TAFA5: variants seen among roughly 807,000 people sequenced by gnomAD.
TAFA5 encodes the protein TAFA chemokine like family member 5.
Under a neutral mutation model 15.3 loss-of-function variants are expected in TAFA5, and 6 were observed. That is an observed-to-expected ratio of 0.39 (90% confidence interval 0.21 to 0.77). The LOEUF (loss-of-function observed/expected upper bound fraction) is 0.77. TAFA5 is among the 30% of genes least tolerant of loss of function. TAFA5 has a pLI of 0.41. For missense variants in TAFA5, 161 were observed against 193.1 expected, an observed-to-expected ratio of 0.83 and a Z score of 0.98; for synonymous variants, 103 against 80.7, an observed-to-expected ratio of 1.28 and a Z score of -1.48.
chr22:48,725,724 GAA>G (rs11379698), intron 3 of TAFA5, among the ~76,000 whole-genome samples: 4,780 of 114,896 alleles, frequency 0.042, 291 homozygotes, highest in African/African-American at 0.15. Flanking sequence ...ATAATTCACA[GAA>G]AAAAAAAAAA....
At chr22:48,713,525 G>T (rs552511440) in intron 3 of TAFA5, among the ~76,000 whole-genome samples, 1 of 152,254 alleles carries the variant, frequency 6.6e-6, no homozygotes, top group Non-Finnish European at 1.5e-5. Context: ...GCCTGCCGGC[G>T]AGTTCTGGAG....
At chr22:48,521,820 C>T (rs1921610802) in intron 1 of TAFA5, among the ~76,000 whole-genome samples, 1 of 152,304 alleles carries the variant, frequency 6.6e-6, no homozygotes, top group South Asian at 2.1e-4. Flanking sequence ...CTTAGCAGGG[C>T]TCTCTGCGTT....
intron 2 of TAFA5, among the ~76,000 whole-genome samples, chr22:48,673,641 G>A (rs765933402): frequency 3.5e-4 from 53 of 152,164 alleles, no homozygotes; most frequent in Admixed American, 7.9e-4. Flanking sequence ...CTGTGTGTAG[G>A]GCTTGGATGT....
chr22:48,681,660 A>C (rs1569077074), intron 2 of TAFA5, among the ~76,000 whole-genome samples: 2 of 151,828 alleles, frequency 1.3e-5, no homozygotes, highest in Non-Finnish European at 2.9e-5. Context: ...CCAAAAAAAA[A>C]AAAAAAGAAA....
intron 2 of TAFA5, among the ~76,000 whole-genome samples, chr22:48,698,734 G>T (rs1256559801): frequency 6.6e-6 from 1 of 150,942 alleles, no homozygotes; most frequent in Admixed American, 6.6e-5. Context: ...CCTACAGCGG[G>T]TGCCTCCTGG....
chr22:48,744,863 G>A (rs928159708), intron 3 of TAFA5, among the ~76,000 whole-genome samples: 5 of 152,056 alleles, frequency 3.3e-5, no homozygotes, highest in South Asian at 2.1e-4. Flanking sequence ...AGGTTCAAGC[G>A]ATTCTCCTGC....
At chr22:48,536,672 G>A (rs1041403354) in intron 1 of TAFA5, among the ~76,000 whole-genome samples, 2 of 152,194 alleles carry the variant, frequency 1.3e-5, no homozygotes, top group African/African-American at 2.4e-5. Context: ...CTTCATCTGC[G>A]GCCAAGGCTT....
At chr22:48,517,860 G>T (rs1162319389) in intron 1 of TAFA5, among the ~76,000 whole-genome samples, 1 of 152,210 alleles carries the variant, frequency 6.6e-6, no homozygotes, top group Non-Finnish European at 1.5e-5. Flanking sequence ...ACGGCCGGGT[G>T]GGGGTGAGGT....
intron 1 of TAFA5, among the ~76,000 whole-genome samples, chr22:48,514,741 G>T (rs1251766423): frequency 6.6e-6 from 1 of 152,206 alleles, no homozygotes; most frequent in Admixed American, 6.5e-5. Context: ...GAGCTTCCTG[G>T]CAGAGAAGGC....
intron 1 of TAFA5, among the ~76,000 whole-genome samples, chr22:48,508,413 A>G (rs1385675226): frequency 6.6e-6 from 1 of 150,786 alleles, no homozygotes; most frequent in Non-Finnish European, 1.5e-5. Flanking sequence ...GTTTGGAAGT[A>G]AGAAAAGGAA....
At position 48,749,930 on chromosome 22, in the gene TAFA5, C is replaced by T. The variant is rs1416507081; in HGVS notation, c.*83C>T. On this transcript the variant is annotated 3_prime_UTR_variant, in exon 4 of 4. Transcript: ENST00000402357. ...CTCAGCCACAGTTCTCCACTCGCCT[C>T]GGACTTCACCCGTTCTCTGCCGCCC... 2.7e-5 allele frequency: 36 copies of T among 1,318,878 alleles called. No homozygotes were observed. The highest frequency in any genetic ancestry group is 9.9e-5 in the Admixed American group (5 of 50,532). 81.7% of individuals were successfully genotyped at this position (1,318,878 alleles called of 1,614,324 possible).
At chr22:48,542,911 GAT>G (rs1922512551) in intron 1 of TAFA5, among the ~76,000 whole-genome samples, 5 of 151,470 alleles carry the variant, frequency 3.3e-5, no homozygotes, top group Admixed American at 2.6e-4. Context: ...TGTGTATAGT[GAT>G]ATGTGTACTG....
In TAFA5 at chr22:48,576,039, A is replaced by ACCCCCCCCCCCCCCC. The variant is rs535068094; in HGVS notation, c.113-70544_113-70543insCCCCCCCCCCCCCCC. Among the ~76,000 whole-genome samples the ACCCCCCCCCCCCCCC allele has an allele frequency of 1.6e-4, 5 of 31,430 alleles. 1 individual carries two copies. The highest frequency in any genetic ancestry group is 5.9e-4 in the Admixed American group (2 of 3,370). The allele number at this position is 31,430 out of a possible 152,430, so 20.6% of individuals were successfully genotyped here. A position where few individuals can be genotyped will look rare whatever the true frequency, so the allele number is the denominator to read the frequency against. On this transcript the variant is annotated intron_variant, in intron 1 of 3. Coordinates refer to ENST00000402357, the MANE Select transcript of TAFA5 (RefSeq NM_001082967.3). Reference sequence around the variant, plus strand: ...GAGGAGGGGGCCGGGGCCGCGCCGGACCCCCCCCCCCCCCGCGCCGCCCGG... The same window carrying ACCCCCCCCCCCCCCC: ...GAGGAGGGGGCCGGGGCCGCGCCGGACCCCCCCCCCCCCCCCCCCCCCCCCCCCCGCGCCGCCCGG...
chr22:48,699,938 C>T (rs926999492), intron 2 of TAFA5, among the ~76,000 whole-genome samples: 14 of 152,176 alleles, frequency 9.2e-5, no homozygotes, highest in African/African-American at 2.7e-4. Flanking sequence ...ACACATTGAG[C>T]TCCTGCCTCT....
intron 2 of TAFA5, among the ~76,000 whole-genome samples, chr22:48,660,809 G>C (rs190828881): frequency 6.6e-6 from 1 of 152,298 alleles, no homozygotes; most frequent in Non-Finnish European, 1.5e-5. Flanking sequence ...CTCACCTTCT[G>C]GGTGGGTTTT....
chr22:48,683,845 T>C (rs1385958493), intron 2 of TAFA5, among the ~76,000 whole-genome samples: 1 of 152,052 alleles, frequency 6.6e-6, no homozygotes, highest in Non-Finnish European at 1.5e-5. Context: ...AGTGAGTGAG[T>C]TCTCACGAGA....
intron 2 of TAFA5, among the ~76,000 whole-genome samples, chr22:48,692,723 T>G (rs1928580419): frequency 6.6e-6 from 1 of 152,238 alleles, no homozygotes; most frequent in African/African-American, 2.4e-5. Flanking sequence ...TGGAGTAGTA[T>G]TTAAAACGCA....
At chr22:48,541,460 A>C (rs1922369809) in intron 1 of TAFA5, among the ~76,000 whole-genome samples, 1 of 152,076 alleles carries the variant, frequency 6.6e-6, no homozygotes, top group Non-Finnish European at 1.5e-5. Context: ...GCATTGTTTC[A>C]TTCTTTGTGG....
At chr22:48,630,528 C>A (rs770335712) in intron 1 of TAFA5, among the ~76,000 whole-genome samples, 13 of 152,200 alleles carry the variant, frequency 8.5e-5, no homozygotes, top group Non-Finnish European at 1.6e-4. Flanking sequence ...TCCAGCCTCG[C>A]TCGGGCCCAG....
Sources: gnomAD v4.1 joint callset for allele counts (sites outside exome capture counted in the v4.1 genomes callset) on GRCh38, gnomAD v4.1.1 for gene constraint, MANE v1.5 for transcripts, NCBI Gene and HGNC (gene_info 2026-07-23, HGNC 2026-07-21) for gene names.